ZNF121: variants seen among roughly 807,000 people sequenced by gnomAD.
ZNF121 encodes zinc finger protein 121.
A neutral mutation model predicts 2.4 loss-of-function variants in ZNF121; 1 was observed. The observed-to-expected ratio is 0.41, with a 90% CI of 0.15 to 1.94. ZNF121 has a LOEUF of 1.94. Among genes scored for constraint, ZNF121 ranks in the 30% most tolerant of loss-of-function variants. The pLI, the probability that ZNF121 is intolerant of heterozygous loss-of-function variation, is 0.30. For synonymous variants in ZNF121, 173 were observed against 158.6 expected (o/e 1.09, Z -0.68); for missense variants, 369 against 466.3 (o/e 0.79, Z 1.92).
intron 1 of ZNF121, among the ~76,000 whole-genome samples, chr19:9,578,017 C>A (rs146526960): frequency 1.8e-3 from 261 of 148,972 alleles, no homozygotes; most frequent in African/African-American, 6.3e-3. Context: ...ATGGTGAAAT[C>A]CCATCTCTAC....
rs142340235 is a variant in ZNF121 at position 9,580,267 on chromosome 19, G to A, written c.-160+4194C>T. On this transcript the variant is annotated intron_variant, in intron 1 of 3. Transcript: ENST00000320451. ...AGTTTGTGCCACTGCACTCCAGCCT[G>A]GGTGACAGAGAAAAACTAGTCTCAA... 8.2e-4 allele frequency among the ~76,000 whole-genome samples: 125 copies of A among 151,896 alleles called. 1 individual carries two copies. The highest frequency in any genetic ancestry group is 3.0e-3 in the African/African-American group (123 of 41,396).
intron 1 of ZNF121, among the ~76,000 whole-genome samples, chr19:9,572,039 G>A (rs7252361): frequency 0.17 from 26,254 of 152,042 alleles, 3,593 homozygotes; most frequent in African/African-American, 0.38. Flanking sequence ...TTAGGATTAC[G>A]GGCATGAATC....
Position 9,566,737 on chromosome 19 carries a change from T to C in ZNF121, c.376A>G (p.Thr126Ala), listed in dbSNP as rs1212313533. The C allele has an allele frequency of 3.1e-6, 5 of 1,614,088 alleles. No homozygotes were observed. The East Asian group carries it at 1.1e-4, about 36-fold the overall frequency. ...GACACAGCATGGCTTGTGGAGTAAG[T>C]AAAAGCTCTCCCACATTGCTTCTGT... ...YEQKQCGRAF[T>A]YSTSHAVSVK... The change falls in exon 4 of 4, where the codon ACT becomes GCT. Residue 126 changes from threonine to alanine, a missense_variant. Around this residue, in one of 4 missense-constraint regions of ZNF121, gnomAD observed 168 missense variants for 162.3 expected, o/e 1.03. Coordinates refer to ENST00000320451, the MANE Select transcript of ZNF121 (RefSeq NM_001008727.5).
At position 9,562,883 on chromosome 19, in the gene ZNF121, C is replaced by CT. The variant is rs1427475442; in HGVS notation, c.*3056dup. ...CCGGGTAAACAGTAAAGTCCTGCCT[C>CT]TTTAAAAAAAAAAAAAAAAAAAAAA... On this transcript the variant is annotated 3_prime_UTR_variant, in exon 4 of 4. Transcript: ENST00000320451. The CT allele has an allele frequency of 2.2e-5, 2 of 89,186 alleles. No homozygotes were observed. Among genetic ancestry groups the CT allele is most frequent in the African/African-American group, 9.6e-5 (2 of 20,936 alleles). 5.5% of individuals were successfully genotyped at this position (89,186 alleles called of 1,614,324 possible).
At chr19:9,579,116 A>T (rs1332144133) in intron 1 of ZNF121, among the ~76,000 whole-genome samples, 1 of 152,204 alleles carries the variant, frequency 6.6e-6, no homozygotes, top group African/African-American at 2.4e-5. Context: ...AAGAAATACA[A>T]ATCACACATT....
intron 1 of ZNF121, among the ~76,000 whole-genome samples, chr19:9,580,382 T>C (rs1327892698): frequency 6.6e-6 from 1 of 151,026 alleles, no homozygotes; most frequent in African/African-American, 2.4e-5. Context: ...CTGCAAGATG[T>C]CCCTCCAAGT....
At chr19:9,577,789 C>T (rs927341850) in intron 1 of ZNF121, among the ~76,000 whole-genome samples, 6 of 152,102 alleles carry the variant, frequency 3.9e-5, no homozygotes, top group African/African-American at 1.2e-4. Flanking sequence ...TGGCTCACAC[C>T]TGTAATCCCA....
chr19:9,562,305 T>C lies in ZNF121; in HGVS notation c.*3635A>G, dbSNP rs779110569. 3.1e-5 allele frequency: 5 copies of C among 161,202 alleles called. No homozygotes were observed. The highest frequency in any genetic ancestry group is 6.2e-5 in the Admixed American group (1 of 16,038). The allele number at this position is 161,202 out of a possible 1,614,324, so 10.0% of individuals were successfully genotyped here. A position where few individuals can be genotyped will look rare whatever the true frequency, so the allele number is the denominator to read the frequency against. ...TCAGCCTCCTGAATAGCTGGGACTA[T>C]AGGTGCCTGCCACCATGCCCGGCTA... On this transcript the variant is annotated 3_prime_UTR_variant, in exon 4 of 4. Transcript: ENST00000320451.
chr19:9,560,516 G>A lies in ZNF121; in HGVS notation c.*5424C>T, dbSNP rs1272852223. 6.6e-6 allele frequency: 1 copy of A among 152,164 alleles called. No individual in the cohort carries two copies. The highest frequency in any genetic ancestry group is 1.5e-5 in the Non-Finnish European group (1 of 68,036). 9.4% of individuals were successfully genotyped at this position (152,164 alleles called of 1,614,324 possible). ...AACTCATTTTCTCCTCCACCAGCTT[G>A]TGGCAAATACCGCAGTACTTTGTTC... On this transcript the variant is annotated 3_prime_UTR_variant, in exon 4 of 4. Coordinates refer to ENST00000320451, the MANE Select transcript of ZNF121 (RefSeq NM_001008727.5).
In ZNF121 at chr19:9,565,669, C is replaced by CAAATAAAATA. The variant is rs57109713; in HGVS notation, c.*261_*270dup. 7,587 of 148,692 alleles carry CAAATAAAATA rather than the reference C, an allele frequency of 0.051. 260 individuals carry two copies. The highest frequency in any genetic ancestry group is 0.094 in the Admixed American group (1,315 of 13,978). 9.2% of individuals were successfully genotyped at this position (148,692 alleles called of 1,614,324 possible). A position where few individuals can be genotyped will look rare whatever the true frequency, so the allele number is the denominator to read the frequency against. ...TGATGACAACAGCAAAACTCTGTCT[C>CAAATAAAATA]AAATAAAATAAAATAAAATAAAATA... On this transcript the variant is annotated 3_prime_UTR_variant, in exon 4 of 4. Transcript: ENST00000320451.
rs532893804 is a variant in ZNF121, at chr19:9,560,764, A to G, written c.*5176T>C. On this transcript the variant is annotated 3_prime_UTR_variant, in exon 4 of 4. Coordinates refer to ENST00000320451, the MANE Select transcript of ZNF121 (RefSeq NM_001008727.5). ...CTTCCACCTCTTGGCTCTTCTGAAT[A>G]ATGCTGCAATGAACACAGGTAGGCA... 3 of 152,390 alleles carry G rather than the reference A, an allele frequency of 2.0e-5. No homozygotes were observed. The highest frequency in any genetic ancestry group is 4.1e-4 in the South Asian group (2 of 4,830). The allele number at this position is 152,390 out of a possible 1,614,324, so 9.4% of individuals were successfully genotyped here.
intron 3 of ZNF121, 68 bp from the exon 4 acceptor site, chr19:9,567,177 A>C (rs1290378149): frequency 8.0e-6 from 11 of 1,367,962 alleles, no homozygotes; most frequent in Non-Finnish European, 9.9e-6. Flanking sequence ...TACCCATCTG[A>C]AATCAGACAG....
At chr19:9,570,880 C>T (rs531081009) in intron 1 of ZNF121, among the ~76,000 whole-genome samples, 44 of 152,290 alleles carry the variant, frequency 2.9e-4, no homozygotes, top group Non-Finnish European at 5.3e-4. Flanking sequence ...CGCACCCAGC[C>T]GAGTTCCCTG....
intron 1 of ZNF121, among the ~76,000 whole-genome samples, chr19:9,570,415 CAG>C (rs1366440656): frequency 1.3e-5 from 2 of 152,112 alleles, no homozygotes; most frequent in African/African-American, 4.8e-5. Context: ...CCTTTGTTGA[CAG>C]AGCAGAAGAC....
intron 1 of ZNF121, among the ~76,000 whole-genome samples, chr19:9,575,277 G>T (rs1015047758): frequency 1.3e-5 from 2 of 152,088 alleles, no homozygotes; most frequent in Non-Finnish European, 2.9e-5. Context: ...AAAAAAATTA[G>T]CCTGGTATGG....
At chr19:9,573,361 C>T (rs2074187416) in intron 1 of ZNF121, among the ~76,000 whole-genome samples, 3 of 152,138 alleles carry the variant, frequency 2.0e-5, no homozygotes, top group Admixed American at 2.0e-4. Context: ...CTGAGAAATA[C>T]TCAACTCAAA....
chr19:9,566,408 T>C lies in ZNF121; in HGVS notation c.705A>G (p.Lys235=), dbSNP rs759358625. The C allele has an allele frequency of 1.8e-5, 29 of 1,614,020 alleles. No homozygotes were observed. In the Middle Eastern group the frequency reaches 2.6e-3, roughly 146 times the overall value. The change falls in exon 4 of 4, where the codon AAA becomes AAG. Residue 235 remains lysine (K), a synonymous_variant. Coordinates refer to ENST00000320451, the MANE Select transcript of ZNF121 (RefSeq NM_001008727.5). Reference sequence around the variant, plus strand: ...TTAGTAGATAAAACCTATTGTAGGCTTTCCCACATTCGTTACATTCATAGG... The same window carrying C: ...TTAGTAGATAAAACCTATTGTAGGCCTTCCCACATTCGTTACATTCATAGG... ...EKPYECNECG[K]AYNRFYLLTE...
intron 1 of ZNF121, among the ~76,000 whole-genome samples, chr19:9,574,905 A>T (rs1188907921): frequency 6.6e-6 from 1 of 152,196 alleles, no homozygotes; most frequent in African/African-American, 2.4e-5. Flanking sequence ...TTCTAAAAAG[A>T]AGTTATTTAT....
At chr19:9,569,838 CTTTTTTT>C (rs752091749) in intron 1 of ZNF121, among the ~76,000 whole-genome samples, 1 of 117,696 alleles carries the variant, frequency 8.5e-6, no homozygotes, top group African/African-American at 3.0e-5. Context: ...TGGCCGAGAT[CTTTTTTT>C]TTTTTTTTTT....
Sources: gnomAD v4.1 joint callset for allele counts (sites outside exome capture counted in the v4.1 genomes callset) on GRCh38, gnomAD v4.1.1 for gene constraint, gnomAD v4.1.1 regional missense constraint, MANE v1.5 for transcripts, NCBI Gene and HGNC (gene_info 2026-07-23, HGNC 2026-07-21) for gene names.